CHL1: variants seen among roughly 807,000 people sequenced by gnomAD.
CHL1 encodes the protein cell adhesion molecule L1 like.
CHL1 carries 96 observed loss-of-function variants against 141.9 expected under a neutral mutation model. The ratio of observed to expected loss-of-function variants is 0.68; its 90% CI spans 0.57 to 0.80. The LOEUF (loss-of-function observed/expected upper bound fraction) is 0.80. CHL1 is among the 30% of genes least tolerant of loss of function. The pLI is 0.00. For missense variants in CHL1, 1,820 were observed against 1,457.2 expected, an observed-to-expected ratio of 1.25 and a Z score of -4.05; for synonymous variants, 613 against 502.2, an observed-to-expected ratio of 1.22 and a Z score of -2.95.
At chr3:301,308 G>A (rs1698705699) in intron 2 of CHL1, among the ~76,000 whole-genome samples, 1 of 152,112 alleles carries the variant, frequency 6.6e-6, no homozygotes, top group Non-Finnish European at 1.5e-5. Flanking sequence ...GTTTCAGATG[G>A]CAGATGACAT....
chr3:319,695 C>T lies in CHL1; in HGVS notation c.-82C>T. On this transcript the variant is annotated 5_prime_UTR_variant, in exon 3 of 28. Transcript: ENST00000256509. ...TTTGTGTTTTTAGTTTCCAGGTTAA[C>T]TAAGGTCTCAGCTGTAAACCAAAAG... The T allele has an allele frequency of 1.3e-6, 1 of 754,576 alleles. No homozygotes were observed. The highest frequency in any genetic ancestry group is 2.2e-6 in the Non-Finnish European group (1 of 451,180). The allele number at this position is 754,576 out of a possible 1,614,324, so 46.7% of individuals were successfully genotyped here.
intron 2 of CHL1, among the ~76,000 whole-genome samples, chr3:271,371 G>A (rs542296265): frequency 1.3e-5 from 2 of 152,296 alleles, no homozygotes; most frequent in Admixed American, 1.3e-4. Context: ...CCCAGCAGTT[G>A]GAGACTGCAG....
At chr3:197,941 G>A (rs1281633550) in intron 1 of CHL1, 2 of 389,102 alleles carry the variant, frequency 5.1e-6, no homozygotes, top group Non-Finnish European at 1.0e-5. Flanking sequence ...AATTTGGGGA[G>A]CAGGGATTGG....
intron 15 of CHL1, among the ~76,000 whole-genome samples, chr3:369,019 A>G (rs979156426): frequency 1.3e-5 from 2 of 152,184 alleles, no homozygotes; most frequent in Non-Finnish European, 2.9e-5. Context: ...GTTTGAAGTC[A>G]GGTAGCGTGA....
Position 218,653 on chromosome 3 carries a change from CT to C in CHL1, c.-175+21591del, listed in dbSNP as rs1296569876. On this transcript the variant is annotated intron_variant, in intron 1 of 27. Coordinates refer to ENST00000256509, the MANE Select transcript of CHL1 (RefSeq NM_006614.4). ...AAAATTAAAGTTTAAGCTTTGGATG[CT>C]AACTTTCAAATCTATGTGAAATGAT... Among the ~76,000 whole-genome samples, 6 of 152,176 alleles carry C rather than the reference CT, an allele frequency of 3.9e-5. No individual in the cohort carries two copies. The South Asian group carries it at 1.2e-3, about 32-fold the overall frequency.
intron 20 of CHL1, 98 bp downstream of exon 20, chr3:389,572 G>A (rs1449846582): frequency 7.9e-6 from 7 of 889,688 alleles, no homozygotes; most frequent in Admixed American, 6.1e-5. Context: ...ACTACTGCAT[G>A]CAAAGAGGAT....
intron 1 of CHL1, among the ~76,000 whole-genome samples, chr3:235,551 G>A (rs571631067): frequency 6.6e-6 from 1 of 152,188 alleles, no homozygotes; most frequent in South Asian, 2.1e-4. Flanking sequence ...GGTGTGATCA[G>A]GCATTAGTTC....
chr3:383,100 A>G (rs896434294), intron 18 of CHL1, among the ~76,000 whole-genome samples: 5 of 152,184 alleles, frequency 3.3e-5, no homozygotes, highest in Non-Finnish European at 7.4e-5. Flanking sequence ...TAAAATTTGT[A>G]TTACTGAATT....
At chr3:259,726 G>T (rs1694528841) in intron 2 of CHL1, among the ~76,000 whole-genome samples, 1 of 151,866 alleles carries the variant, frequency 6.6e-6, no homozygotes, top group Non-Finnish European at 1.5e-5. Flanking sequence ...TTTTACCACT[G>T]CTATTTGTCA....
intron 1 of CHL1, among the ~76,000 whole-genome samples, chr3:227,159 C>T (rs1256961638): frequency 6.6e-6 from 1 of 152,186 alleles, no homozygotes; most frequent in Admixed American, 6.5e-5. Context: ...CTAGTAACTA[C>T]CACCCATGAA....
intron 2 of CHL1, among the ~76,000 whole-genome samples, chr3:256,221 T>C (rs953848678): frequency 4.0e-5 from 6 of 151,268 alleles, no homozygotes; most frequent in African/African-American, 1.5e-4. Flanking sequence ...TTTAAAAATA[T>C]AGTATGACTT....
At chr3:291,604 G>A (rs1294154753) in intron 2 of CHL1, among the ~76,000 whole-genome samples, 1 of 151,848 alleles carries the variant, frequency 6.6e-6, no homozygotes, top group Non-Finnish European at 1.5e-5. Flanking sequence ...ATATAAGCAG[G>A]CAAGTAATAA....
chr3:370,023 C>T (rs1322462623), intron 15 of CHL1, among the ~76,000 whole-genome samples: 1 of 152,162 alleles, frequency 6.6e-6, no homozygotes, highest in Non-Finnish European at 1.5e-5. Context: ...AGGATTTTTG[C>T]ATCAATGTTC....
chr3:293,954 G>C (rs1298731864), intron 2 of CHL1, among the ~76,000 whole-genome samples: 1 of 151,890 alleles, frequency 6.6e-6, no homozygotes, highest in Non-Finnish European at 1.5e-5. Context: ...GTAGAGACAG[G>C]CTTCACTGTG....
intron 2 of CHL1, among the ~76,000 whole-genome samples, chr3:255,734 T>A (rs1574873652): frequency 6.6e-6 from 1 of 152,294 alleles, no homozygotes; most frequent in East Asian, 1.9e-4. Context: ...GAACAGTAGT[T>A]CTCGCCTTTG....
intron 1 of CHL1, among the ~76,000 whole-genome samples, chr3:201,356 C>G (rs1698917834): frequency 6.6e-6 from 1 of 152,182 alleles, no homozygotes; most frequent in African/African-American, 2.4e-5. Context: ...GTGTTTAGAT[C>G]ATAAAAATAC....
chr3:333,241 A>G (rs1701606996), intron 5 of CHL1, among the ~76,000 whole-genome samples: 3 of 149,766 alleles, frequency 2.0e-5, no homozygotes, highest in Non-Finnish European at 4.4e-5. Context: ...GCTTTCTGCA[A>G]CCATCTATAT....
chr3:234,638 G>A (rs954728058), intron 1 of CHL1, among the ~76,000 whole-genome samples: 1 of 152,058 alleles, frequency 6.6e-6, no homozygotes, highest in Non-Finnish European at 1.5e-5. Context: ...TTGGAGGGTG[G>A]TCAGAGGTTG....
Position 377,547 on chromosome 3 carries a change from C to G in CHL1, c.1752-271C>G, listed in dbSNP as rs112928959. Reference sequence around the variant, plus strand: ...CTCTTTAAACATGCCAGGCAACATACAGTTCCATCACTGACCCATGCAAAC... The same window carrying G: ...CTCTTTAAACATGCCAGGCAACATAGAGTTCCATCACTGACCCATGCAAAC... On this transcript the variant is annotated intron_variant, in intron 15 of 27. Coordinates refer to ENST00000256509, the MANE Select transcript of CHL1 (RefSeq NM_006614.4). Among the ~76,000 whole-genome samples the G allele has an allele frequency of 1.1e-4, 16 of 152,304 alleles. 1 individual carries two copies. The highest frequency in any genetic ancestry group is 3.6e-4 in the African/African-American group (15 of 41,562).
Sources: allele counts gnomAD v4.1 joint callset (sites outside exome capture counted in the v4.1 genomes callset), GRCh38; gene constraint gnomAD v4.1.1; transcripts MANE v1.5; gene names NCBI Gene and HGNC (gene_info 2026-07-23, HGNC 2026-07-21).